Variants in ADAMTSL1 observed in about 807,000 individuals in gnomAD.
ADAMTSL1 encodes the protein ADAMTS-like protein 1.
A neutral mutation model predicts 201.8 loss-of-function variants in ADAMTSL1; 126 were observed. The ratio of observed to expected loss-of-function variants is 0.62; its 90% CI spans 0.54 to 0.72. The LOEUF (loss-of-function observed/expected upper bound fraction) is 0.72, where lower values mean the gene tolerates loss of function less well. Among genes scored for constraint, ADAMTSL1 ranks in the 30% least tolerant of loss-of-function variants. ADAMTSL1 has a pLI of 0.00. For missense variants in ADAMTSL1, 2,679 were observed against 2,277.8 expected, an observed-to-expected ratio of 1.18 and a Z score of -3.59; for synonymous variants, 1,121 against 903.4, an observed-to-expected ratio of 1.24 and a Z score of -4.32.
chr9:18,081,518 G>T (rs999769402), intron 1 of ADAMTSL1, among the ~76,000 whole-genome samples: 1 of 152,076 alleles, frequency 6.6e-6, no homozygotes, highest in Admixed American at 6.6e-5. Context: ...CATGAAAATT[G>T]TATGCAGGTG....
intron 17 of ADAMTSL1, 54 bp from the exon 18 acceptor site, chr9:18,775,689 A>C: frequency 6.3e-7 from 1 of 1,582,810 alleles, no homozygotes; most frequent in South Asian, 1.2e-5. Context: ...CTATTAAAAA[A>C]TTAGCTTCTA....
chr9:18,624,947 A>G (rs1333955324), intron 5 of ADAMTSL1, among the ~76,000 whole-genome samples: 7 of 152,234 alleles, frequency 4.6e-5, no homozygotes, highest in African/African-American at 1.2e-4. Flanking sequence ...ATTGATATCA[A>G]TAAAGCCCAC....
At chr9:18,720,397 G>T (rs1037227535) in intron 14 of ADAMTSL1, among the ~76,000 whole-genome samples, 1 of 152,170 alleles carries the variant, frequency 6.6e-6, no homozygotes, top group Non-Finnish European at 1.5e-5. Flanking sequence ...GTTGGTACCT[G>T]GTTAATAATG....
chr9:17,951,329 C>G (rs975713006), intron 1 of ADAMTSL1, among the ~76,000 whole-genome samples: 3 of 152,156 alleles, frequency 2.0e-5, no homozygotes, highest in Non-Finnish European at 2.9e-5. Context: ...CCCAGAGTTT[C>G]TCCGGAGTGT....
At chr9:18,364,401 A>G (rs1390362946) in intron 2 of ADAMTSL1, among the ~76,000 whole-genome samples, 3 of 152,190 alleles carry the variant, frequency 2.0e-5, no homozygotes, top group African/African-American at 7.2e-5. Context: ...AATTGTGTCC[A>G]TGTTGATAAT....
chr9:18,741,207 A>C (rs1818804634), intron 15 of ADAMTSL1, among the ~76,000 whole-genome samples: 1 of 152,216 alleles, frequency 6.6e-6, no homozygotes, highest in South Asian at 2.1e-4. Context: ...CGTAAAATCA[A>C]GAATATTTTG....
At chr9:18,009,651 A>G (rs921816510) in intron 1 of ADAMTSL1, among the ~76,000 whole-genome samples, 2 of 152,056 alleles carry the variant, frequency 1.3e-5, no homozygotes, top group Non-Finnish European at 1.5e-5. Context: ...CTGGATAAGA[A>G]CAATACAGAG....
At chr9:18,839,720 G>T (rs1027906395) in intron 23 of ADAMTSL1, among the ~76,000 whole-genome samples, 11 of 152,192 alleles carry the variant, frequency 7.2e-5, no homozygotes, top group Admixed American at 2.0e-4. Flanking sequence ...TTTAATGATT[G>T]CCATTACTAA....
chr9:18,425,929 A>G (rs1461548356), intron 2 of ADAMTSL1, among the ~76,000 whole-genome samples: 1 of 151,746 alleles, frequency 6.6e-6, no homozygotes, highest in Non-Finnish European at 1.5e-5. Context: ...TTTGGAAGGT[A>G]AAGGGTGAAA....
intron 4 of ADAMTSL1, among the ~76,000 whole-genome samples, chr9:18,605,357 A>G (rs1472544560): frequency 2.0e-5 from 3 of 152,176 alleles, no homozygotes; most frequent in Admixed American, 6.5e-5. Context: ...CTAATATCCA[A>G]TTAGGACCAA....
chr9:18,651,116 C>G (rs1036522613), intron 7 of ADAMTSL1: 5 of 152,210 alleles, frequency 3.3e-5, no homozygotes, highest in African/African-American at 1.2e-4. Context: ...TACCCAGGAA[C>G]AATGTGGCAG....
chr9:18,754,088 G>T (rs182845341), intron 16 of ADAMTSL1, among the ~76,000 whole-genome samples: 5 of 152,200 alleles, frequency 3.3e-5, no homozygotes, highest in Admixed American at 6.5e-5. Context: ...CCTTTCTTGC[G>T]TGTGTAAATA....
intron 3 of ADAMTSL1, among the ~76,000 whole-genome samples, chr9:18,547,780 C>T (rs893358570): frequency 4.0e-5 from 6 of 151,720 alleles, no homozygotes; most frequent in Admixed American, 6.6e-5. Flanking sequence ...CCCTCTGGGT[C>T]TAGACTTGCA....
chr9:18,770,943 A>T (rs1047776107), intron 17 of ADAMTSL1, among the ~76,000 whole-genome samples, 162 bp downstream of exon 17: 1 of 152,214 alleles, frequency 6.6e-6, no homozygotes, highest in African/African-American at 2.4e-5. Context: ...ACTAGCTTTT[A>T]ACGAGGCTGC....
intron 4 of ADAMTSL1, among the ~76,000 whole-genome samples, chr9:18,605,628 G>T (rs550181173): frequency 5.5e-4 from 84 of 152,250 alleles, no homozygotes; most frequent in Non-Finnish European, 9.8e-4. Flanking sequence ...AGTTTCCCAC[G>T]TAACTCTTCC....
chr9:18,626,878 C>CTTTCTTTCTTTCTTTCTTACTTT (rs1461320087), intron 5 of ADAMTSL1, among the ~76,000 whole-genome samples: 2 of 90,004 alleles, frequency 2.2e-5, no homozygotes, highest in Admixed American at 1.0e-4. Context: ...TGTCTTTCTT[C>CTTTCTTTCTTTCTTTCTTACTTT]CTTCCTTCCT....
chr9:18,584,257 A>C (rs1823318294), intron 4 of ADAMTSL1, among the ~76,000 whole-genome samples: 1 of 152,100 alleles, frequency 6.6e-6, no homozygotes. Context: ...GTAGTGAATG[A>C]GTCTCACGAT....
intron 2 of ADAMTSL1, among the ~76,000 whole-genome samples, chr9:18,325,860 C>T (rs1834812348): frequency 6.6e-6 from 1 of 152,174 alleles, no homozygotes; most frequent in African/African-American, 2.4e-5. Flanking sequence ...CCTGCCTCCG[C>T]CTCCCGCGTC....
At chr9:17,987,001 C>G (rs1818954477) in intron 1 of ADAMTSL1, among the ~76,000 whole-genome samples, 1 of 152,076 alleles carries the variant, frequency 6.6e-6, no homozygotes, top group Admixed American at 6.6e-5. Flanking sequence ...AAATTAAGTA[C>G]AGATTTACAG....
Sources: allele counts gnomAD v4.1 joint callset (sites outside exome capture counted in the v4.1 genomes callset), GRCh38; gene constraint gnomAD v4.1.1; transcripts MANE v1.5; gene names NCBI Gene and HGNC (gene_info 2026-07-23, HGNC 2026-07-21).